The following IL1R1 variants were observed in gnomAD, a reference collection of about 807,000 sequenced individuals.
IL1R1 encodes interleukin 1 receptor type 1.
In IL1R1, 22 loss-of-function variants were observed where a neutral mutation model predicts 50.2. The observed-to-expected ratio is 0.44, with a 90% CI of 0.31 to 0.63. IL1R1 has a LOEUF of 0.63. IL1R1 is among the 20% of genes least tolerant of loss of function. The pLI is 0.07. For synonymous variants in IL1R1, 251 were observed against 236.7 expected, an observed-to-expected ratio of 1.06 and a Z score of -0.55; for missense variants, 509 against 676.2, an observed-to-expected ratio of 0.75 and a Z score of 2.74.
rs1346208974 is a variant in IL1R1 at position 102,117,550 on chromosome 2, A to T, written c.-84+12678A>T. Among the ~76,000 whole-genome samples the T allele has an allele frequency of 4.6e-5, 7 of 152,252 alleles. No homozygotes were observed. In the East Asian group the frequency reaches 1.3e-3, roughly 29 times the overall value. On this transcript the variant is annotated intron_variant, in intron 1 of 10. Transcript: ENST00000409329. ...CATCGCTCTTCAGTTATTTATGTAC[A>T]CAAAGAGCTATTTCTGAATATCCGT... is the stretch of plus-strand genomic sequence containing the variant.
Position 102,125,829 on chromosome 2 carries a change from T to C in IL1R1, c.-84+20957T>C, listed in dbSNP as rs567155326. ...GGGCCCATCCATGAACAAAACTCTT[T>C]TGTGATGCCTGGGATGCAATAAGAC... On this transcript the variant is annotated intron_variant, in intron 1 of 10. Coordinates refer to the IL1R1 transcript ENST00000409329. 3.5e-3 allele frequency among the ~76,000 whole-genome samples: 526 copies of C among 152,334 alleles called. 2 individuals carry two copies. Among genetic ancestry groups the C allele is most frequent in the African/African-American group, 0.012 (502 of 41,576 alleles).
At chr2:102,143,151 G>A (rs1682821596) in intron 1 of IL1R1, 131 bp downstream of exon 1, 1 of 152,542 alleles carries the variant, frequency 6.6e-6, no homozygotes. Flanking sequence ...GTCAGAGTGT[G>A]TTGTGTAAGA....
intron 1 of IL1R1, among the ~76,000 whole-genome samples, chr2:102,081,705 T>C (rs1266286290): frequency 6.6e-6 from 1 of 152,236 alleles, no homozygotes; most frequent in Non-Finnish European, 1.5e-5. Flanking sequence ...GATTCTCATC[T>C]GAATATCAGA....
intron 3 of IL1R1, 66 bp downstream of exon 3, chr2:102,157,851 A>G: frequency 9.8e-7 from 1 of 1,017,440 alleles, no homozygotes; most frequent in South Asian, 1.3e-5. Context: ...TACATGAAGT[A>G]CCTTCCCTAA....
rs555256177 is a variant in IL1R1, at chr2:102,108,988, A to G, written c.-84+4116A>G. On this transcript the variant is annotated intron_variant, in intron 1 of 10. Coordinates refer to the IL1R1 transcript ENST00000409329. ...TAATAATAATAATAATAATAATAAT[A>G]AAAGCTAATATGTAATACAGCACTT... Among the ~76,000 whole-genome samples the G allele has an allele frequency of 1.5e-3, 219 of 146,814 alleles. 1 individual carries two copies. Among genetic ancestry groups the G allele is most frequent in the Middle Eastern group, 7.0e-3 (2 of 284 alleles).
chr2:102,093,139 A>C (rs1350169966), intron 1 of IL1R1, among the ~76,000 whole-genome samples: 1 of 152,178 alleles, frequency 6.6e-6, no homozygotes, highest in Non-Finnish European at 1.5e-5. Flanking sequence ...ACTCACGTAG[A>C]ACGTTTCTGA....
chr2:102,090,412 G>T (rs1194489618), intron 1 of IL1R1, among the ~76,000 whole-genome samples: 1 of 152,098 alleles, frequency 6.6e-6, no homozygotes, highest in Non-Finnish European at 1.5e-5. Context: ...CTTCTGATTT[G>T]CTCTTTCTGT....
chr2:102,082,796 A>G (rs890441457), intron 1 of IL1R1, among the ~76,000 whole-genome samples: 1 of 152,200 alleles, frequency 6.6e-6, no homozygotes, highest in Non-Finnish European at 1.5e-5. Flanking sequence ...CGGTCAGTGC[A>G]AATGAGAGCT....
At chr2:102,130,026 G>T (rs865830941) in intron 1 of IL1R1, among the ~76,000 whole-genome samples, 1 of 152,082 alleles carries the variant, frequency 6.6e-6, no homozygotes, top group Non-Finnish European at 1.5e-5. Context: ...GTATCAAAAA[G>T]AATTACCTTT....
chr2:102,096,558 A>AT (rs373859835), intron 1 of IL1R1, among the ~76,000 whole-genome samples: 36 of 149,670 alleles, frequency 2.4e-4, no homozygotes, highest in African/African-American at 6.9e-4. Context: ...CCTATTTAAT[A>AT]TTTTTTTTTC....
At chr2:102,071,185 C>G (rs1353496853) in intron 1 of IL1R1, among the ~76,000 whole-genome samples, 1 of 152,110 alleles carries the variant, frequency 6.6e-6, no homozygotes, top group African/African-American at 2.4e-5. Flanking sequence ...GTAAGGGATA[C>G]TTATTTAAAA....
At chr2:102,130,458 C>T (rs895970840) in intron 1 of IL1R1, among the ~76,000 whole-genome samples, 3 of 152,060 alleles carry the variant, frequency 2.0e-5, no homozygotes, top group African/African-American at 4.8e-5. Context: ...TCTTATCTTT[C>T]CTCTTTCCTT....
At chr2:102,081,671 C>T (rs981917012) in intron 1 of IL1R1, among the ~76,000 whole-genome samples, 3 of 152,140 alleles carry the variant, frequency 2.0e-5, no homozygotes, top group Admixed American at 6.5e-5. Flanking sequence ...AAGGCGAAGG[C>T]GAATTAGGCC....
intron 1 of IL1R1, among the ~76,000 whole-genome samples, chr2:102,107,507 GGGGA>G (rs1680485743): frequency 6.6e-6 from 1 of 151,934 alleles, no homozygotes; most frequent in Non-Finnish European, 1.5e-5. Flanking sequence ...TGGGAGGAGG[GGGGA>G]GGGATAACAT....
At chr2:102,137,443 G>A (rs944171137) in intron 1 of IL1R1, among the ~76,000 whole-genome samples, 1 of 152,156 alleles carries the variant, frequency 6.6e-6, no homozygotes, top group African/African-American at 2.4e-5. Context: ...CATCCAAGAT[G>A]GTGCACTGCC....
intron 10 of IL1R1, among the ~76,000 whole-genome samples, chr2:102,175,270 C>A (rs534265598): frequency 3.0e-4 from 46 of 152,156 alleles, no homozygotes; most frequent in Admixed American, 2.7e-3. Context: ...AATAGAAGAA[C>A]AAATTTGCAG....
intron 1 of IL1R1, among the ~76,000 whole-genome samples, chr2:102,079,196 G>C (rs909607148): frequency 1.3e-5 from 2 of 152,122 alleles, no homozygotes; most frequent in Non-Finnish European, 2.9e-5. Context: ...CTTTCCCTCT[G>C]TGATCAGGAA....
At position 102,071,358 on chromosome 2, in the gene IL1R1, C is replaced by T. The variant is rs149739104; in HGVS notation, c.-84+825C>T. Among the ~76,000 whole-genome samples, 16 of 152,292 alleles carry T rather than the reference C, an allele frequency of 1.1e-4. 1 individual carries two copies. Among genetic ancestry groups the T allele is most frequent in the African/African-American group, 2.6e-4 (11 of 41,552 alleles). On this transcript the variant is annotated intron_variant, in intron 1 of 11. Coordinates refer to the IL1R1 transcript ENST00000409929. The stretch of plus-strand genomic sequence containing the variant: ...ATTCCTTAACACTTTTCTCTCTTAA[C>T]GACTTCTAATGGACATCTATTTGTG...
intron 2 of IL1R1, among the ~76,000 whole-genome samples, chr2:102,157,091 A>G (rs974651474): frequency 6.6e-6 from 1 of 151,896 alleles, no homozygotes; most frequent in African/African-American, 2.4e-5. Context: ...TTTTTTTCAT[A>G]CAAAGTTCGT....
Sources: gnomAD v4.1 joint callset for allele counts (sites outside exome capture counted in the v4.1 genomes callset) on GRCh38, gnomAD v4.1.1 for gene constraint, MANE v1.5 for transcripts, NCBI Gene and HGNC (gene_info 2026-07-23, HGNC 2026-07-21) for gene names.